The following TENM3 variants were observed in gnomAD, a reference collection of about 807,000 sequenced individuals.
TENM3 encodes the protein teneurin-3.
TENM3 carries 63 observed loss-of-function variants against 255.1 expected under a neutral mutation model. The observed-to-expected ratio is 0.25, with a 90% CI of 0.20 to 0.30. TENM3 has a LOEUF of 0.30. Among genes scored for constraint, TENM3 ranks in the 10% least tolerant of loss-of-function variants. TENM3 has a pLI of 1.00. For synonymous variants in TENM3, 1,306 were observed against 1,322.3 expected, an observed-to-expected ratio of 0.99 and a Z score of 0.27; for missense variants, 2,929 against 3,461.1, an observed-to-expected ratio of 0.85 and a Z score of 3.86.
the TENM3 span, among the ~76,000 whole-genome samples, chr4:181,907,817 AG>A: frequency 6.6e-6 from 1 of 152,104 alleles, no homozygotes; most frequent in Non-Finnish European, 1.5e-5. Context: ...ATGAGTAGAA[AG>A]GTACCTCCGC....
chr4:182,165,718 G>C (rs1579570858), intron 1 of TENM3, among the ~76,000 whole-genome samples: 1 of 152,318 alleles, frequency 6.6e-6, no homozygotes, highest in East Asian at 1.9e-4. Flanking sequence ...AACCTAAAAT[G>C]CACACTGAGT....
chr4:182,753,206 G>T (rs778389954), intron 20 of TENM3, among the ~76,000 whole-genome samples: 5 of 152,032 alleles, frequency 3.3e-5, no homozygotes, highest in African/African-American at 1.2e-4. Flanking sequence ...CCTCGGCCTC[G>T]CAAAGTGCTA....
At chr4:181,591,003 A>T in the TENM3 span, among the ~76,000 whole-genome samples, 1 of 152,214 alleles carries the variant, frequency 6.6e-6, no homozygotes, top group African/African-American at 2.4e-5. Flanking sequence ...CTTTGTTTAC[A>T]TCAAGCCTGA....
intron 2 of TENM3, among the ~76,000 whole-genome samples, chr4:182,342,642 T>G (rs1764553179): frequency 6.6e-6 from 1 of 152,162 alleles, no homozygotes; most frequent in Non-Finnish European, 1.5e-5. Context: ...TATGTTTCAA[T>G]AAAACTGTTT....
At chr4:182,714,998 C>T (rs1759042846) in intron 13 of TENM3, among the ~76,000 whole-genome samples, 1 of 152,210 alleles carries the variant, frequency 6.6e-6, no homozygotes. Flanking sequence ...GATTCTCCTG[C>T]CTCAGCCTCC....
the TENM3 span, among the ~76,000 whole-genome samples, chr4:181,746,216 T>G: frequency 6.6e-6 from 1 of 152,128 alleles, no homozygotes. Flanking sequence ...ATGGAGAGGT[T>G]ATTTGTAATG....
chr4:181,651,177 C>T, the TENM3 span, among the ~76,000 whole-genome samples: 1 of 152,136 alleles, frequency 6.6e-6, no homozygotes, highest in African/African-American at 2.4e-5. Flanking sequence ...ACTAATTTAA[C>T]AATTACAAAA....
the TENM3 span, among the ~76,000 whole-genome samples, chr4:181,722,894 G>A: frequency 5.9e-5 from 9 of 152,068 alleles, no homozygotes; most frequent in Non-Finnish European, 1.0e-4. Flanking sequence ...GTAAGCACAG[G>A]ACTCATTGTG....
At chr4:182,757,101 A>G (rs895348868) in intron 22 of TENM3, among the ~76,000 whole-genome samples, 2 of 152,050 alleles carry the variant, frequency 1.3e-5, no homozygotes, top group Non-Finnish European at 2.9e-5. Flanking sequence ...TCACGAGGTC[A>G]GGAGATCAAG....
chr4:182,071,129 G>A, the TENM3 span, among the ~76,000 whole-genome samples: 2 of 152,110 alleles, frequency 1.3e-5, no homozygotes, highest in Non-Finnish European at 1.5e-5. Context: ...AATAAATTCA[G>A]GAAGAGCATA....
chr4:182,621,135 C>T (rs539543456), intron 4 of TENM3, among the ~76,000 whole-genome samples: 74 of 151,550 alleles, frequency 4.9e-4, no homozygotes, highest in African/African-American at 1.4e-3. Flanking sequence ...GAACCGAGGT[C>T]GCACCACTGC....
chr4:182,741,030 G>T lies in TENM3; in HGVS notation c.3380-2140G>T, dbSNP rs150534791. ...GTGTCTACTAAAAATACAAAAATTA[G>T]CCAGGCTTAGTAGTGGGCACCTGTA... On this transcript the variant is annotated intron_variant, in intron 18 of 27. Coordinates refer to ENST00000511685, the MANE Select transcript of TENM3 (RefSeq NM_001080477.4). Among the ~76,000 whole-genome samples the T allele has an allele frequency of 3.1e-4, 47 of 152,122 alleles. 1 individual carries two copies. The East Asian group carries it at 8.3e-3, about 27-fold the overall frequency.
At chr4:181,464,659 T>C in the TENM3 span, among the ~76,000 whole-genome samples, 3 of 152,100 alleles carry the variant, frequency 2.0e-5, no homozygotes, top group African/African-American at 7.2e-5. Context: ...ATTTTAAAAA[T>C]AGTCCAAGTA....
At chr4:182,426,182 T>C (rs1242020255) in intron 3 of TENM3, among the ~76,000 whole-genome samples, 4 of 152,192 alleles carry the variant, frequency 2.6e-5, no homozygotes, top group African/African-American at 4.8e-5. Flanking sequence ...TAAGTTCAGC[T>C]CTTGTGGATA....
Position 182,564,766 on chromosome 4 carries a change from T to C in TENM3, c.512-36158T>C, listed in dbSNP as rs373496771. Among the ~76,000 whole-genome samples, 5 of 152,318 alleles carry C rather than the reference T, an allele frequency of 3.3e-5. No homozygotes were observed. In the East Asian group the frequency reaches 7.7e-4, roughly 23 times the overall value. ...TCAATACGTGTCCTCCATCTGGTAG[T>C]TGATCTGCAGTAACTCCTGCAATGA... is the stretch of plus-strand genomic sequence containing the variant. On this transcript the variant is annotated intron_variant, in intron 3 of 27. Transcript: ENST00000511685.
the TENM3 span, among the ~76,000 whole-genome samples, chr4:181,608,239 C>T: frequency 1.3e-5 from 2 of 152,256 alleles, no homozygotes; most frequent in African/African-American, 4.8e-5. Context: ...GAGAAATTTG[C>T]AAAGTACCTT....
the TENM3 span, among the ~76,000 whole-genome samples, chr4:181,929,418 A>C: frequency 4.6e-5 from 7 of 152,282 alleles, no homozygotes; most frequent in East Asian, 1.4e-3. Flanking sequence ...ACCAGCAAAG[A>C]TCAGAAAAGA....
At chr4:182,051,255 A>T in the TENM3 span, among the ~76,000 whole-genome samples, 1 of 151,748 alleles carries the variant, frequency 6.6e-6, no homozygotes, top group African/African-American at 2.4e-5. Flanking sequence ...AGGCAGGAGA[A>T]TCGCTTGAAA....
chr4:181,475,743 A>T, the TENM3 span, among the ~76,000 whole-genome samples: 2 of 152,260 alleles, frequency 1.3e-5, no homozygotes, highest in African/African-American at 4.8e-5. Context: ...GATGAAGATT[A>T]ACTTAAGTTA....
Sources: gnomAD v4.1 joint callset for allele counts (sites outside exome capture counted in the v4.1 genomes callset) on GRCh38, gnomAD v4.1.1 for gene constraint, MANE v1.5 for transcripts, NCBI Gene and HGNC (gene_info 2026-07-23, HGNC 2026-07-21) for gene names.